The following EPHA4 variants were observed in gnomAD, a reference collection of about 807,000 sequenced individuals.
EPHA4 encodes the protein EPH receptor A4, also known as ephrin type-A receptor 4.
Under a neutral mutation model 108.3 loss-of-function variants are expected in EPHA4, and 19 were observed. That is an observed-to-expected ratio of 0.18 (90% CI 0.12 to 0.26). The LOEUF is 0.26. Among genes scored for constraint, EPHA4 ranks in the 10% least tolerant of loss-of-function variants. The probability of loss-of-function intolerance (pLI) is 1.00; values close to 1 mark genes in which losing one functional copy is unlikely to be tolerated. For missense variants in EPHA4, 917 were observed against 1,254.0 expected, an observed-to-expected ratio of 0.73 and a Z score of 4.06; for synonymous variants, 449 against 455.5, an observed-to-expected ratio of 0.99 and a Z score of 0.18.
intron 14 of EPHA4, among the ~76,000 whole-genome samples, chr2:221,432,402 A>C (rs1690104849): frequency 6.6e-6 from 1 of 152,182 alleles, no homozygotes; most frequent in Admixed American, 6.5e-5. Flanking sequence ...AGCTACTAGA[A>C]GCTGTCTGCA....
At chr2:221,509,068 C>T (rs1223977003) in intron 3 of EPHA4, among the ~76,000 whole-genome samples, 1 of 152,186 alleles carries the variant, frequency 6.6e-6, no homozygotes, top group Non-Finnish European at 1.5e-5. Flanking sequence ...GTGGCTCACA[C>T]CTGTAATCCC....
At chr2:221,493,578 G>C (rs1411115944) in intron 4 of EPHA4, among the ~76,000 whole-genome samples, 1 of 152,154 alleles carries the variant, frequency 6.6e-6, no homozygotes, top group African/African-American at 2.4e-5. Flanking sequence ...CGGTCGAATC[G>C]ACATTGGGTT....
chr2:221,563,663 AG>A (rs1553595173), intron 3 of EPHA4, 67 bp downstream of exon 3: 1 of 1,540,716 alleles, frequency 6.5e-7, no homozygotes, highest in Non-Finnish European at 8.8e-7. Flanking sequence ...TACTCCATTT[AG>A]TCTCATCTCT....
At chr2:221,434,414 A>G (rs112670503) in intron 13 of EPHA4, 123 bp from the exon 14 acceptor site, 18 of 976,298 alleles carry the variant, frequency 1.8e-5, no homozygotes, top group African/African-American at 8.2e-5. Context: ...TCTCAAAACA[A>G]TAAGACACTT....
intron 3 of EPHA4, among the ~76,000 whole-genome samples, chr2:221,555,599 G>T (rs560580118): frequency 6.6e-6 from 1 of 152,172 alleles, no homozygotes; most frequent in Non-Finnish European, 1.5e-5. Flanking sequence ...TCCAGATCAT[G>T]GAACCAAGTG....
At chr2:221,446,443 A>T (rs1690596821) in intron 8 of EPHA4, among the ~76,000 whole-genome samples, 1 of 152,096 alleles carries the variant, frequency 6.6e-6, no homozygotes, top group South Asian at 2.1e-4. Flanking sequence ...CAAATATTTT[A>T]TAATATAATT....
At chr2:221,450,125 T>A (rs1360645049) in intron 8 of EPHA4, among the ~76,000 whole-genome samples, 1 of 152,238 alleles carries the variant, frequency 6.6e-6, no homozygotes, top group African/African-American at 2.4e-5. Context: ...GGCTAACATT[T>A]AAGTGTTTTC....
At chr2:221,524,547 A>G (rs1693267383) in intron 3 of EPHA4, among the ~76,000 whole-genome samples, 1 of 152,254 alleles carries the variant, frequency 6.6e-6, no homozygotes, top group South Asian at 2.1e-4. Flanking sequence ...GTCACCTGGG[A>G]AAAGCGGCTG....
At chr2:221,493,450 T>TA (rs957275772) in intron 4 of EPHA4, among the ~76,000 whole-genome samples, 14 of 151,790 alleles carry the variant, frequency 9.2e-5, no homozygotes, top group Non-Finnish European at 1.8e-4. Context: ...CTTAAAAAAA[T>TA]AAAAAATAAA....
chr2:221,561,410 T>G (rs1418115328), intron 3 of EPHA4, among the ~76,000 whole-genome samples: 1 of 151,998 alleles, frequency 6.6e-6, no homozygotes, highest in Non-Finnish European at 1.5e-5. Context: ...AAAGAGTTAA[T>G]CATTTTATTA....
intron 5 of EPHA4, among the ~76,000 whole-genome samples, chr2:221,463,750 A>G (rs1243681254): frequency 6.6e-6 from 1 of 152,174 alleles, no homozygotes; most frequent in Non-Finnish European, 1.5e-5. Flanking sequence ...AAGTCATTTT[A>G]CTGCAGCAGT....
At chr2:221,467,475 G>T (rs1284310484) in intron 5 of EPHA4, among the ~76,000 whole-genome samples, 1 of 152,212 alleles carries the variant, frequency 6.6e-6, no homozygotes, top group Non-Finnish European at 1.5e-5. Context: ...CATGAAAGAT[G>T]TAAGGTTTTG....
chr2:221,522,016 A>G (rs915743409), intron 3 of EPHA4, among the ~76,000 whole-genome samples: 1 of 152,130 alleles, frequency 6.6e-6, no homozygotes, highest in Non-Finnish European at 1.5e-5. Context: ...CAAATAAACA[A>G]AAAACCCAAA....
At chr2:221,482,212 C>T (rs1003521090) in intron 5 of EPHA4, 140 bp downstream of exon 5, 2 of 918,306 alleles carry the variant, frequency 2.2e-6, no homozygotes, top group Non-Finnish European at 3.1e-6. Context: ...TGCCCAGCCC[C>T]TAAGTATCTT....
chr2:221,423,549 G>A (rs944458246), intron 17 of EPHA4, among the ~76,000 whole-genome samples: 2 of 152,050 alleles, frequency 1.3e-5, no homozygotes, highest in Non-Finnish European at 2.9e-5. Flanking sequence ...GGTGACCTTT[G>A]AATAAAATAA....
At chr2:221,501,412 C>T (rs1422881297) in intron 3 of EPHA4, 3 of 390,980 alleles carry the variant, frequency 7.7e-6, no homozygotes, top group African/African-American at 4.1e-5. Context: ...TTTTCTTAAA[C>T]CTGGCAGAAT....
intron 14 of EPHA4, among the ~76,000 whole-genome samples, chr2:221,433,369 A>G (rs1690139286): frequency 6.6e-6 from 1 of 152,258 alleles, no homozygotes; most frequent in African/African-American, 2.4e-5. Context: ...ATAAAAAATT[A>G]GGAAAGTTCG....
chr2:221,567,756 G>A (rs751488273), intron 2 of EPHA4, among the ~76,000 whole-genome samples: 6 of 152,084 alleles, frequency 3.9e-5, no homozygotes, highest in Non-Finnish European at 7.3e-5. Flanking sequence ...TCAATGGACC[G>A]GTGTGGAGCC....
intron 14 of EPHA4, among the ~76,000 whole-genome samples, chr2:221,432,934 C>A (rs1239724914): frequency 1.3e-5 from 2 of 149,170 alleles, no homozygotes; most frequent in African/African-American, 4.9e-5. Flanking sequence ...TAGCGATTCT[C>A]CTGCCTCAGC....
Sources: allele counts gnomAD v4.1 joint callset (sites outside exome capture counted in the v4.1 genomes callset), GRCh38; gene constraint gnomAD v4.1.1; transcripts MANE v1.5; gene names NCBI Gene and HGNC (gene_info 2026-07-23, HGNC 2026-07-21).